C12orf42: variants seen among roughly 807,000 people sequenced by gnomAD.
C12orf42 encodes uncharacterized protein C12orf42.
Under a neutral mutation model 21.6 loss-of-function variants are expected in C12orf42, and 25 were observed. That is an observed-to-expected ratio of 1.16 (90% CI 0.84 to 1.62). The LOEUF (loss-of-function observed/expected upper bound fraction) is 1.62. Among genes scored for constraint, C12orf42 ranks in the 40% most tolerant of loss-of-function variants. C12orf42 has a pLI of 0.00. For missense variants in C12orf42, 483 were observed against 459.3 expected (o/e 1.05, Z -0.47); for synonymous variants, 174 against 175.0 (o/e 0.99, Z 0.05).
the C12orf42 span, among the ~76,000 whole-genome samples, chr12:103,102,547 C>G: frequency 6.6e-6 from 1 of 152,144 alleles, no homozygotes; most frequent in African/African-American, 2.4e-5. Context: ...AAAGTCCCTT[C>G]CTCATCGCTC....
the C12orf42 span, among the ~76,000 whole-genome samples, chr12:103,222,629 T>C: frequency 6.6e-6 from 1 of 152,244 alleles, no homozygotes; most frequent in East Asian, 1.9e-4. Flanking sequence ...GGTGAGACTA[T>C]AGGAAGTGAG....
At chr12:103,433,124 T>G (rs1179671851) in intron 2 of C12orf42, among the ~76,000 whole-genome samples, 3 of 152,212 alleles carry the variant, frequency 2.0e-5, no homozygotes, top group Admixed American at 1.3e-4. Context: ...CAGTAGGATA[T>G]AGATACATTT....
intron 2 of C12orf42, among the ~76,000 whole-genome samples, chr12:103,407,422 C>T (rs2048504287): frequency 6.6e-6 from 1 of 152,146 alleles, no homozygotes; most frequent in Non-Finnish European, 1.5e-5. Flanking sequence ...CGAACCCCTC[C>T]TCTTCTTCCT....
At chr12:103,112,523 T>C in the C12orf42 span, among the ~76,000 whole-genome samples, 1 of 152,070 alleles carries the variant, frequency 6.6e-6, no homozygotes, top group African/African-American at 2.4e-5. Context: ...TAGCAGAGCA[T>C]GGTGGCAAGC....
chr12:103,178,301 A>G, the C12orf42 span: 2 of 152,162 alleles, frequency 1.3e-5, no homozygotes, highest in African/African-American at 2.4e-5. Flanking sequence ...TCTTTTGCAT[A>G]AAAGACACAT....
the C12orf42 span, among the ~76,000 whole-genome samples, chr12:103,153,476 A>G: frequency 6.6e-6 from 1 of 152,290 alleles, no homozygotes; most frequent in South Asian, 2.1e-4. Flanking sequence ...TCACAAATCA[A>G]TTTTAAAAAT....
chr12:103,390,420 A>G (rs1402241720), intron 3 of C12orf42, among the ~76,000 whole-genome samples: 1 of 152,154 alleles, frequency 6.6e-6, no homozygotes, highest in Non-Finnish European at 1.5e-5. Context: ...CATCATCCCA[A>G]ACAGAAACTC....
In C12orf42 at chr12:103,302,183, G is replaced by T. The variant is rs200236535; in HGVS notation, c.1008C>A (p.Pro336=). ...RLIKVCSSAP[P]RPTRRFHTVC... is the part of the protein sequence containing the mutation. ...CCGTATGGAAACGCCGGGTTGGGCG[G>T]GGGGGTGCTGAGGAGCAAACCTTTA... Residue 336 remains proline (P), a synonymous_variant, in exon 6 of 6, where the codon CCC becomes CCA. Coordinates refer to ENST00000548883, the MANE Select transcript of C12orf42 (RefSeq NM_198521.5). The T allele has an allele frequency of 2.0e-3, 3,191 of 1,612,824 alleles. 10 individuals carry two copies. The highest frequency in any genetic ancestry group is 2.4e-3 in the Non-Finnish European group (2,774 of 1,179,424).
chr12:103,198,636 C>A, the C12orf42 span, among the ~76,000 whole-genome samples: 1 of 152,228 alleles, frequency 6.6e-6, no homozygotes, highest in Non-Finnish European at 1.5e-5. Flanking sequence ...GCTCAAATGT[C>A]CATGGGGTTC....
the C12orf42 span, among the ~76,000 whole-genome samples, chr12:103,227,498 G>C: frequency 6.6e-6 from 1 of 152,098 alleles, no homozygotes; most frequent in Non-Finnish European, 1.5e-5. Context: ...GTGGAAATAA[G>C]GGATTGGGGG....
At chr12:103,463,935 T>G (rs958100467) in intron 2 of C12orf42, among the ~76,000 whole-genome samples, 27 of 152,252 alleles carry the variant, frequency 1.8e-4, no homozygotes, top group Non-Finnish European at 4.4e-5. Context: ...TAGTATTCCA[T>G]GGTGTATATG....
At chr12:103,521,018 C>A in the C12orf42 span, among the ~76,000 whole-genome samples, 1 of 152,218 alleles carries the variant, frequency 6.6e-6, no homozygotes, top group Non-Finnish European at 1.5e-5. Flanking sequence ...AGACAGTAAA[C>A]ACCTTTATTT....
chr12:103,076,342 T>C, the C12orf42 span, among the ~76,000 whole-genome samples: 1 of 151,842 alleles, frequency 6.6e-6, no homozygotes, highest in Non-Finnish European at 1.5e-5. Context: ...TCTAGGACAT[T>C]TGTTGGGTAT....
intron 4 of C12orf42, among the ~76,000 whole-genome samples, chr12:103,352,885 A>G (rs540119595): frequency 3.1e-4 from 47 of 152,232 alleles, no homozygotes; most frequent in African/African-American, 1.0e-3. Flanking sequence ...AAGTTCAAGG[A>G]ATGTTAGTTG....
At chr12:103,342,555 A>C (rs893145048) in intron 4 of C12orf42, among the ~76,000 whole-genome samples, 1 of 152,234 alleles carries the variant, frequency 6.6e-6, no homozygotes. Flanking sequence ...GTTTAAGCAA[A>C]GTTAATCAGA....
At chr12:103,409,590 CTATT>C (rs1427141358) in intron 2 of C12orf42, among the ~76,000 whole-genome samples, 1 of 151,998 alleles carries the variant, frequency 6.6e-6, no homozygotes, top group African/African-American at 2.4e-5. Context: ...ACTTGAAAAT[CTATT>C]TAACATTCAT....
the C12orf42 span, among the ~76,000 whole-genome samples, chr12:103,226,720 C>T: frequency 1.1e-4 from 16 of 152,002 alleles, no homozygotes; most frequent in African/African-American, 3.9e-4. Flanking sequence ...CCTAGCTCAG[C>T]CTGGTGAGGA....
the C12orf42 span, among the ~76,000 whole-genome samples, chr12:103,179,563 T>G: frequency 6.6e-6 from 1 of 151,554 alleles, no homozygotes; most frequent in Non-Finnish European, 1.5e-5. Flanking sequence ...GGGGATGAGA[T>G]GGGAAAAAAG....
At chr12:103,316,086 GTA>G (rs560386670) in intron 4 of C12orf42, among the ~76,000 whole-genome samples, 7 of 146,562 alleles carry the variant, frequency 4.8e-5, no homozygotes, top group African/African-American at 7.6e-5. Context: ...ATATAGTACT[GTA>G]TATATATATA....
Sources: gnomAD v4.1 joint callset for allele counts (sites outside exome capture counted in the v4.1 genomes callset) on GRCh38, gnomAD v4.1.1 for gene constraint, MANE v1.5 for transcripts, NCBI Gene and HGNC (gene_info 2026-07-23, HGNC 2026-07-21) for gene names.